The following IL7 variants were observed in gnomAD, a reference collection of about 807,000 sequenced individuals.
The protein encoded by IL7 is interleukin-7.
Under a neutral mutation model 21.6 loss-of-function variants are expected in IL7, and 3 were observed. The observed-to-expected ratio is 0.14, with a 90% confidence interval of 0.06 to 0.36. The LOEUF (loss-of-function observed/expected upper bound fraction) is 0.36. Among genes scored for constraint, IL7 ranks in the 10% least tolerant of loss-of-function variants. The probability of loss-of-function intolerance (pLI) is 1.00; values close to 1 mark genes in which losing one functional copy is unlikely to be tolerated. For missense variants in IL7, 175 were observed against 200.2 expected (o/e 0.87, Z 0.76); for synonymous variants, 62 against 68.1 (o/e 0.91, Z 0.44).
chr8:78,685,155 A>G (rs1259600981), intron 4 of IL7, among the ~76,000 whole-genome samples: 1 of 152,164 alleles, frequency 6.6e-6, no homozygotes, highest in Non-Finnish European at 1.5e-5. Flanking sequence ...ATAGGCCCAA[A>G]TTCAGAAAGG....
intron 3 of IL7, among the ~76,000 whole-genome samples, chr8:78,709,009 T>C (rs1810872488): frequency 6.6e-6 from 1 of 152,192 alleles, no homozygotes; most frequent in African/African-American, 2.4e-5. Flanking sequence ...AGAAATACAG[T>C]GAAACACAGA....
intron 2 of IL7, among the ~76,000 whole-genome samples, chr8:78,742,381 A>G (rs1029945553): frequency 6.6e-6 from 1 of 152,152 alleles, no homozygotes; most frequent in African/African-American, 2.4e-5. Context: ...CAAGATGTAC[A>G]TAAGAAACAA....
At chr8:78,684,992 A>G (rs187293793) in intron 4 of IL7, among the ~76,000 whole-genome samples, 14 of 152,176 alleles carry the variant, frequency 9.2e-5, no homozygotes, top group Non-Finnish European at 2.9e-5. Flanking sequence ...AAAAGTTTAC[A>G]TCAAAAAATT....
chr8:78,757,461 T>A (rs1356951654), intron 2 of IL7, among the ~76,000 whole-genome samples: 4 of 152,024 alleles, frequency 2.6e-5, no homozygotes, highest in South Asian at 2.1e-4. Context: ...CTCTAGATGA[T>A]CTCCCCAGTG....
chr8:78,767,645 T>C (rs72661366), intron 2 of IL7, among the ~76,000 whole-genome samples: 6,693 of 152,210 alleles, frequency 0.044, 212 homozygotes, highest in Middle Eastern at 0.082. Context: ...TATTTTTGTG[T>C]TTTAATATTT....
At chr8:78,710,325 G>A (rs1283682476) in intron 3 of IL7, among the ~76,000 whole-genome samples, 3 of 152,162 alleles carry the variant, frequency 2.0e-5, no homozygotes, top group Non-Finnish European at 2.9e-5. Context: ...CAAGTTGAAT[G>A]TTATAATACA....
Position 78,804,924 on chromosome 8 carries a change from G to T in IL7, c.-2C>A. On this transcript the variant is annotated 5_prime_UTR_variant, in exon 1 of 6. Coordinates refer to ENST00000263851, the MANE Select transcript of IL7 (RefSeq NM_000880.4). ...AGAAGAGCGCTTACCATGGAACATG[G>T]TCTGCGGGAGGCGGGCGTAGTCATG... 3 of 1,612,486 alleles carry T rather than the reference G, an allele frequency of 1.9e-6. No homozygotes were observed. The highest frequency in any genetic ancestry group is 2.5e-6 in the Non-Finnish European group (3 of 1,178,940).
At chr8:78,682,451 A>T (rs924676179) in intron 4 of IL7, among the ~76,000 whole-genome samples, 2 of 152,164 alleles carry the variant, frequency 1.3e-5, no homozygotes, top group Non-Finnish European at 2.9e-5. Flanking sequence ...CACATCTTAC[A>T]TGGCGGCAGA....
At chr8:78,683,496 T>C (rs1239899518) in intron 4 of IL7, among the ~76,000 whole-genome samples, 1 of 152,166 alleles carries the variant, frequency 6.6e-6, no homozygotes, top group Non-Finnish European at 1.5e-5. Context: ...CTTTTAGCCA[T>C]GCCTGGAGCA....
intron 2 of IL7, among the ~76,000 whole-genome samples, chr8:78,755,419 T>C (rs1812315465): frequency 6.6e-6 from 1 of 152,102 alleles, no homozygotes; most frequent in Non-Finnish European, 1.5e-5. Flanking sequence ...CTTTGTGTAG[T>C]ATGGTCATTT....
chr8:78,776,519 A>T (rs888493462), intron 2 of IL7, among the ~76,000 whole-genome samples: 1 of 152,076 alleles, frequency 6.6e-6, no homozygotes, highest in African/African-American at 2.4e-5. Context: ...GTATGTTTGA[A>T]TTTTGCTCTC....
downstream of IL7, among the ~76,000 whole-genome samples, chr8:78,729,971 G>C (rs892306750): frequency 3.3e-5 from 5 of 151,904 alleles, no homozygotes; most frequent in African/African-American, 1.2e-4. Flanking sequence ...GGAATGATCA[G>C]TTCCACCTGG....
At chr8:78,760,601 G>A (rs1349563376) in intron 2 of IL7, 1 of 1,563,002 alleles carries the variant, frequency 6.4e-7, no homozygotes, top group East Asian at 2.3e-5. Context: ...CATGACTGAG[G>A]GTACCAGAGA....
At chr8:78,760,885 C>A in intron 2 of IL7, 4 of 1,560,582 alleles carry the variant, frequency 2.6e-6, no homozygotes, top group Non-Finnish European at 3.5e-6. Context: ...GTACTGCAGT[C>A]AAGCTACCGG....
chr8:78,695,873 T>C (rs973689375), intron 3 of IL7, among the ~76,000 whole-genome samples: 2 of 152,194 alleles, frequency 1.3e-5, no homozygotes, highest in African/African-American at 4.8e-5. Flanking sequence ...TTATCAAGAT[T>C]TAACTTTTTA....
chr8:78,779,034 G>A (rs1174997617), intron 2 of IL7, among the ~76,000 whole-genome samples: 1 of 151,988 alleles, frequency 6.6e-6, no homozygotes, highest in African/African-American at 2.4e-5. Flanking sequence ...TCATGATTTT[G>A]CTTTCTCCTT....
intron 2 of IL7, chr8:78,760,048 A>G: frequency 8.3e-7 from 1 of 1,205,514 alleles, no homozygotes; most frequent in Non-Finnish European, 1.1e-6. Context: ...GGAGTCCTAT[A>G]GGCAAAGATA....
At chr8:78,795,007 G>C (rs1362357161) in intron 2 of IL7, among the ~76,000 whole-genome samples, 1 of 152,072 alleles carries the variant, frequency 6.6e-6, no homozygotes, top group East Asian at 1.9e-4. Flanking sequence ...TCCTTGGGAG[G>C]TAGGAGAGTG....
intron 2 of IL7, among the ~76,000 whole-genome samples, chr8:78,770,567 C>A (rs1812914924): frequency 6.6e-6 from 1 of 152,030 alleles, no homozygotes; most frequent in Admixed American, 6.6e-5. Context: ...TTTTGATGGG[C>A]TATTTTCTCT....
Sources: gnomAD v4.1 joint callset for allele counts (sites outside exome capture counted in the v4.1 genomes callset) on GRCh38, gnomAD v4.1.1 for gene constraint, MANE v1.5 for transcripts, NCBI Gene and HGNC (gene_info 2026-07-23, HGNC 2026-07-21) for gene names.